Variants in CEMIP observed in about 807,000 individuals in gnomAD.
The protein encoded by CEMIP is cell migration inducing hyaluronidase 1.
In CEMIP, 105 loss-of-function variants were observed where a neutral mutation model predicts 156.9. That is an observed-to-expected ratio of 0.67 (90% CI 0.57 to 0.79). The LOEUF (loss-of-function observed/expected upper bound fraction) is 0.79, where lower values mean the gene tolerates loss of function less well. Among genes scored for constraint, CEMIP ranks in the 30% least tolerant of loss-of-function variants. The pLI is 0.00. For missense variants in CEMIP, 1,457 were observed against 1,769.4 expected, an observed-to-expected ratio of 0.82 and a Z score of 3.17; for synonymous variants, 676 against 668.4, an observed-to-expected ratio of 1.01 and a Z score of -0.17.
In CEMIP at chr15:80,889,572, A is replaced by G; in HGVS notation, c.1066A>G (p.Asn356Asp). 6.2e-7 allele frequency: 1 copy of G among 1,614,220 alleles called. No individual in the cohort carries two copies. ...GAAAGCTCACCCAGGAAAAATATGC[A>G]ATCGTCCCATTGATATACAGGTACC... Reference protein sequence around the residue: ...LWKAHPGKICNRPIDIQATTM... With the variant: ...LWKAHPGKICDRPIDIQATTM... The change falls in exon 10 of 30, where the codon AAT becomes GAT. Residue 356 changes from asparagine to aspartate, a missense_variant. By Grantham distance (23) the Asn-to-Asp change is conservative. Coordinates refer to ENST00000394685, the MANE Select transcript of CEMIP (RefSeq NM_001293298.2).
chr15:80,858,036 T>A (rs1021593119), intron 1 of CEMIP, among the ~76,000 whole-genome samples: 1 of 152,020 alleles, frequency 6.6e-6, no homozygotes, highest in South Asian at 2.1e-4. Flanking sequence ...GGGTGGAGAC[T>A]GGCATGAGAT....
intron 1 of CEMIP, among the ~76,000 whole-genome samples, chr15:80,815,408 G>A (rs527772043): frequency 4.5e-4 from 68 of 152,328 alleles, no homozygotes; most frequent in Middle Eastern, 3.4e-3. Context: ...TCATGAAAAC[G>A]AGGCCAAGAA....
intron 12 of CEMIP, among the ~76,000 whole-genome samples, chr15:80,896,697 G>A (rs952698260): frequency 3.3e-5 from 5 of 152,150 alleles, no homozygotes; most frequent in African/African-American, 1.2e-4. Context: ...ATATAATCCA[G>A]GTCAATTATT....
intron 1 of CEMIP, among the ~76,000 whole-genome samples, chr15:80,792,485 G>T (rs1271303561): frequency 6.6e-6 from 1 of 152,122 alleles, no homozygotes; most frequent in Non-Finnish European, 1.5e-5. Flanking sequence ...ACCTTTCTGT[G>T]CCTCAGTTGC....
In CEMIP at chr15:80,929,190, T is replaced by C. The variant is rs1295510339; in HGVS notation, c.2612+16T>C. The C allele has an allele frequency of 1.9e-6, 3 of 1,614,192 alleles. No homozygotes were observed. Among genetic ancestry groups the C allele is most frequent in the Non-Finnish European group, 2.5e-6 (3 of 1,180,014 alleles). ...CTATAGGCCAGTAGGTTTGCAACCA[T>C]GTAGCTCCTTATTCTGAGTGGCTTA... On this transcript the variant is annotated intron_variant, in intron 21 of 29. Coordinates refer to ENST00000394685, the MANE Select transcript of CEMIP (RefSeq NM_001293298.2).
intron 14 of CEMIP, among the ~76,000 whole-genome samples, chr15:80,919,109 A>C (rs931605310): frequency 1.3e-5 from 2 of 152,194 alleles, no homozygotes; most frequent in African/African-American, 4.8e-5. Flanking sequence ...TCCAAGAAGG[A>C]AACCAAAGAG....
intron 1 of CEMIP, among the ~76,000 whole-genome samples, chr15:80,815,515 T>C (rs1189489531): frequency 3.9e-5 from 6 of 152,142 alleles, no homozygotes; most frequent in African/African-American, 1.2e-4. Context: ...CAATGGATAT[T>C]CTTTTCTTTT....
intron 5 of CEMIP, among the ~76,000 whole-genome samples, chr15:80,880,150 A>G (rs1303833914): frequency 6.6e-6 from 1 of 152,190 alleles, no homozygotes; most frequent in Non-Finnish European, 1.5e-5. Flanking sequence ...TGTTTATATA[A>G]TAGGCTACGA....
intron 21 of CEMIP, among the ~76,000 whole-genome samples, chr15:80,931,269 T>C (rs756495487): frequency 6.6e-5 from 10 of 152,222 alleles, no homozygotes; most frequent in Non-Finnish European, 1.3e-4. Context: ...ATCATGTTTA[T>C]CACCTTCCAT....
chr15:80,925,840 CAG>C (rs765701320), intron 19 of CEMIP, 85 bp downstream of exon 19: 10 of 1,528,640 alleles, frequency 6.5e-6, no homozygotes, highest in Non-Finnish European at 7.9e-6. Flanking sequence ...GAGAGCAAAG[CAG>C]AGAGGGGAAG....
At chr15:80,805,257 A>G (rs2141612079) in intron 1 of CEMIP, among the ~76,000 whole-genome samples, 1 of 152,328 alleles carries the variant, frequency 6.6e-6, no homozygotes. Flanking sequence ...GCATTCTGTG[A>G]GTCAGGTCCG....
intron 1 of CEMIP, among the ~76,000 whole-genome samples, chr15:80,836,029 A>G (rs1897263304): frequency 6.6e-6 from 1 of 152,248 alleles, no homozygotes; most frequent in Admixed American, 6.5e-5. Context: ...CTCATAAAAA[A>G]AAAGTGGCTC....
chr15:80,849,570 C>A (rs528321443), intron 1 of CEMIP, among the ~76,000 whole-genome samples: 1 of 152,306 alleles, frequency 6.6e-6, no homozygotes, highest in African/African-American at 2.4e-5. Context: ...GGCCAGTTCA[C>A]TCCTTAGGCC....
At chr15:80,908,843 C>T (rs1225973541) in intron 13 of CEMIP, among the ~76,000 whole-genome samples, 1 of 152,194 alleles carries the variant, frequency 6.6e-6, no homozygotes, top group Non-Finnish European at 1.5e-5. Context: ...TAGCATAGCT[C>T]TTCAGAACAT....
intron 18 of CEMIP, 109 bp downstream of exon 18, chr15:80,924,815 T>C (rs188644046): frequency 2.9e-5 from 29 of 1,000,374 alleles, no homozygotes; most frequent in South Asian, 1.6e-4. Context: ...GAGCCCTTGC[T>C]TTGTGCTGGG....
At chr15:80,781,982 C>A (rs1033128069) in intron 1 of CEMIP, among the ~76,000 whole-genome samples, 1 of 151,916 alleles carries the variant, frequency 6.6e-6, no homozygotes, top group African/African-American at 2.4e-5. Flanking sequence ...CATCCGAGAA[C>A]TTGTTGATGG....
chr15:80,909,402 T>C (rs1899955488), intron 14 of CEMIP, 96 bp downstream of exon 14: 8 of 1,268,412 alleles, frequency 6.3e-6, no homozygotes, highest in Non-Finnish European at 9.1e-6. Context: ...CCAGGGCCTT[T>C]GGGGATTGAA....
At chr15:80,881,675 C>T (rs775811484) in intron 6 of CEMIP, among the ~76,000 whole-genome samples, 1 of 152,138 alleles carries the variant, frequency 6.6e-6, no homozygotes, top group South Asian at 2.1e-4. Flanking sequence ...GACAGGACCT[C>T]GGAGGCTGCG....
intron 15 of CEMIP, 74 bp downstream of exon 15, chr15:80,920,373 A>C: frequency 1.3e-5 from 18 of 1,380,354 alleles, no homozygotes; most frequent in Non-Finnish European, 1.5e-5. Context: ...CACTCAGCTC[A>C]GCCCAGCACC....
Sources: gnomAD v4.1 joint callset for allele counts (sites outside exome capture counted in the v4.1 genomes callset) on GRCh38, gnomAD v4.1.1 for gene constraint, MANE v1.5 for transcripts, NCBI Gene and HGNC (gene_info 2026-07-23, HGNC 2026-07-21) for gene names.